The following SCHIP1 variants were observed in gnomAD, a reference collection of about 807,000 sequenced individuals.
The protein encoded by SCHIP1 is schwannomin-interacting protein 1.
In SCHIP1, 8 loss-of-function variants were observed where a neutral mutation model predicts 29.7. The observed-to-expected ratio is 0.27, with a 90% CI of 0.16 to 0.49. The LOEUF (loss-of-function observed/expected upper bound fraction) is 0.49. SCHIP1 is among the 20% of genes least tolerant of loss of function. The pLI is 0.99. For missense variants in SCHIP1, 193 were observed against 294.6 expected (o/e 0.66, Z 2.52); for synonymous variants, 76 against 94.9 (o/e 0.80, Z 1.16).
chr3:159,773,623 T>A, the SCHIP1 span, among the ~76,000 whole-genome samples: 117 of 152,360 alleles, frequency 7.7e-4, no homozygotes, highest in African/African-American at 2.7e-3. Context: ...GGAAGTAGAT[T>A]CTAATTTTTA....
chr3:159,646,961 T>C, the SCHIP1 span, among the ~76,000 whole-genome samples: 2 of 152,168 alleles, frequency 1.3e-5, no homozygotes, highest in Non-Finnish European at 2.9e-5. Flanking sequence ...GGGAGCTGGA[T>C]ATCCATGTAG....
chr3:159,771,627 G>C, the SCHIP1 span, among the ~76,000 whole-genome samples: 5 of 151,312 alleles, frequency 3.3e-5, no homozygotes, highest in Non-Finnish European at 5.9e-5. Context: ...AGCTGCAAAG[G>C]CTGCTCTGTC....
At chr3:159,361,534 C>T in the SCHIP1 span, among the ~76,000 whole-genome samples, 1 of 152,172 alleles carries the variant, frequency 6.6e-6, no homozygotes, top group African/African-American at 2.4e-5. Flanking sequence ...GGCTCTTGCT[C>T]TGAGGGAAAT....
chr3:159,385,205 A>G, the SCHIP1 span, among the ~76,000 whole-genome samples: 1 of 152,216 alleles, frequency 6.6e-6, no homozygotes, highest in African/African-American at 2.4e-5. Context: ...CTCTCTGCCT[A>G]ATAAGATCAC....
At chr3:159,353,684 T>C in the SCHIP1 span, among the ~76,000 whole-genome samples, 1 of 152,210 alleles carries the variant, frequency 6.6e-6, no homozygotes. Context: ...TGTGTGATAC[T>C]AAAGAAAATA....
At chr3:159,511,196 G>A in the SCHIP1 span, among the ~76,000 whole-genome samples, 1,056 of 152,270 alleles carry the variant, frequency 6.9e-3, 14 homozygotes, top group African/African-American at 0.023. Flanking sequence ...CCTCGCTGCC[G>A]CCTTGCAGTT....
At chr3:159,449,369 T>G in the SCHIP1 span, among the ~76,000 whole-genome samples, 3 of 152,126 alleles carry the variant, frequency 2.0e-5, no homozygotes, top group African/African-American at 7.2e-5. Context: ...TGACAAGGAA[T>G]AGCGTATTTT....
At chr3:159,385,796 T>C in the SCHIP1 span, among the ~76,000 whole-genome samples, 1 of 152,180 alleles carries the variant, frequency 6.6e-6, no homozygotes, top group African/African-American at 2.4e-5. Flanking sequence ...GGTGGTTTGC[T>C]GCACCCATCA....
At chr3:159,743,873 A>T in the SCHIP1 span, among the ~76,000 whole-genome samples, 1 of 152,214 alleles carries the variant, frequency 6.6e-6, no homozygotes, top group Non-Finnish European at 1.5e-5. Context: ...TTAAAACTGC[A>T]TATGAATGCA....
chr3:159,474,211 A>G, the SCHIP1 span, among the ~76,000 whole-genome samples: 1 of 152,180 alleles, frequency 6.6e-6, no homozygotes, highest in Non-Finnish European at 1.5e-5. Flanking sequence ...CTAATGCTTC[A>G]AATAGTTATT....
the SCHIP1 span, among the ~76,000 whole-genome samples, chr3:159,432,277 G>A: frequency 6.9e-6 from 1 of 145,130 alleles, no homozygotes; most frequent in Non-Finnish European, 1.5e-5. Context: ...CCTTCCTCCA[G>A]AGTAGGTGAT....
chr3:159,842,255 A>T (rs1188929116), intron 1 of SCHIP1, among the ~76,000 whole-genome samples: 1 of 152,202 alleles, frequency 6.6e-6, no homozygotes, highest in Non-Finnish European at 1.5e-5. Context: ...CTTTTCTCCC[A>T]TAAATGATGT....
chr3:159,886,176 T>G lies in SCHIP1; in HGVS notation c.150-31T>G, dbSNP rs199537365. 11 of 1,612,024 alleles carry G rather than the reference T, an allele frequency of 6.8e-6. No homozygotes were observed. The East Asian group carries it at 2.5e-4, about 36-fold the overall frequency. On this transcript the variant is annotated intron_variant, in intron 2 of 6. Transcript: ENST00000445224. ...TGAAGCCAAATAACAAACAGCTAAG[T>G]AGAACTAGTGTCCTGTTTGTTTCTG...
the SCHIP1 span, among the ~76,000 whole-genome samples, chr3:159,402,956 A>G: frequency 3.3e-5 from 5 of 152,218 alleles, no homozygotes; most frequent in Non-Finnish European, 2.9e-5. Context: ...AAGAAAAAAA[A>G]GAAATATCTC....
At chr3:159,388,913 G>A in the SCHIP1 span, among the ~76,000 whole-genome samples, 2 of 151,910 alleles carry the variant, frequency 1.3e-5, no homozygotes, top group African/African-American at 2.4e-5. Flanking sequence ...AATTCCAGAT[G>A]GCCTAACAAT....
the SCHIP1 span, among the ~76,000 whole-genome samples, chr3:159,506,367 C>A: frequency 6.6e-6 from 1 of 152,174 alleles, no homozygotes; most frequent in African/African-American, 2.4e-5. Context: ...TGAATATTAG[C>A]CCTTTGTCAG....
the SCHIP1 span, among the ~76,000 whole-genome samples, chr3:159,304,226 T>C: frequency 6.6e-6 from 1 of 152,070 alleles, no homozygotes; most frequent in Admixed American, 6.5e-5. Context: ...AATTTATTAC[T>C]ATAAGTATTT....
At chr3:159,702,817 T>C in the SCHIP1 span, among the ~76,000 whole-genome samples, 14 of 152,250 alleles carry the variant, frequency 9.2e-5, no homozygotes, top group Middle Eastern at 3.2e-3. Context: ...TTTGTACATT[T>C]CAAAACTTTA....
the SCHIP1 span, among the ~76,000 whole-genome samples, chr3:159,574,698 C>T: frequency 0.14 from 21,127 of 152,220 alleles, 1,734 homozygotes; most frequent in East Asian, 0.21. Flanking sequence ...ACCTTTTGTT[C>T]GGCTATGCCC....
Sources: gnomAD v4.1 joint callset for allele counts (sites outside exome capture counted in the v4.1 genomes callset) on GRCh38, gnomAD v4.1.1 for gene constraint, MANE v1.5 for transcripts, NCBI Gene and HGNC (gene_info 2026-07-23, HGNC 2026-07-21) for gene names.